The following DPP6 variants were observed in gnomAD, a reference collection of about 807,000 sequenced individuals.
DPP6 encodes the protein dipeptidyl peptidase like 6.
DPP6 carries 69 observed loss-of-function variants against 122.6 expected under a neutral mutation model. The ratio of observed to expected loss-of-function variants is 0.56; its 90% CI spans 0.46 to 0.69. The LOEUF (loss-of-function observed/expected upper bound fraction) is 0.69. Among genes scored for constraint, DPP6 ranks in the 30% least tolerant of loss-of-function variants. The pLI, the probability that DPP6 is intolerant of heterozygous loss-of-function variation, is 0.00. For synonymous variants in DPP6, 418 were observed against 433.1 expected, an observed-to-expected ratio of 0.97 and a Z score of 0.43; for missense variants, 928 against 1,116.9, an observed-to-expected ratio of 0.83 and a Z score of 2.41.
intron 1 of DPP6, among the ~76,000 whole-genome samples, chr7:154,392,440 C>T (rs1814705071): frequency 1.3e-5 from 2 of 152,076 alleles, no homozygotes; most frequent in Admixed American, 1.3e-4. Context: ...TACCGCAGCC[C>T]CTGGAGGTTA....
the DPP6 span, among the ~76,000 whole-genome samples, chr7:153,810,129 A>T: frequency 6.6e-6 from 1 of 152,266 alleles, no homozygotes; most frequent in Non-Finnish European, 1.5e-5. Flanking sequence ...GCGAGTTTGC[A>T]TGACATAAGC....
chr7:154,772,983 C>G, intron 10 of DPP6, 41 bp downstream of exon 10: 1 of 1,238,294 alleles, frequency 8.1e-7, no homozygotes, highest in African/African-American at 1.5e-5. Flanking sequence ...AAAAAAAAAA[C>G]TAAGATGAAT....
the DPP6 span, among the ~76,000 whole-genome samples, chr7:153,828,815 G>A: frequency 6.6e-6 from 1 of 152,104 alleles, no homozygotes; most frequent in Admixed American, 6.5e-5. Context: ...CTACCTGAAG[G>A]CTGTAAAGAA....
At chr7:154,522,363 G>A (rs768563551) in intron 3 of DPP6, among the ~76,000 whole-genome samples, 17 of 152,122 alleles carry the variant, frequency 1.1e-4, no homozygotes, top group Admixed American at 2.0e-4. Flanking sequence ...AGTTGCCAGC[G>A]TAAGTTGGAA....
chr7:154,229,973 A>G (rs1475680749), intron 1 of DPP6, among the ~76,000 whole-genome samples: 3 of 152,232 alleles, frequency 2.0e-5, no homozygotes, highest in Admixed American at 6.5e-5. Flanking sequence ...AGTGGTTTAT[A>G]TATATTTTAA....
intron 1 of DPP6, among the ~76,000 whole-genome samples, chr7:154,151,484 G>A (rs1162937754): frequency 1.3e-5 from 2 of 152,154 alleles, no homozygotes; most frequent in African/African-American, 2.4e-5. Context: ...GCAATGCCCC[G>A]CCATCATTGC....
intron 1 of DPP6, among the ~76,000 whole-genome samples, chr7:154,357,707 T>C (rs1051261706): frequency 2.0e-5 from 3 of 152,064 alleles, no homozygotes; most frequent in African/African-American, 7.2e-5. Flanking sequence ...TTTGGGAGGC[T>C]GAGGTGGGTG....
the DPP6 span, among the ~76,000 whole-genome samples, chr7:153,879,239 C>T: frequency 6.6e-6 from 1 of 152,012 alleles, no homozygotes; most frequent in Non-Finnish European, 1.5e-5. Context: ...GAGAAGTGTT[C>T]GTTACCTGGG....
At chr7:154,159,275 T>A (rs1796853970) in intron 1 of DPP6, among the ~76,000 whole-genome samples, 1 of 152,332 alleles carries the variant, frequency 6.6e-6, no homozygotes, top group Non-Finnish European at 1.5e-5. Flanking sequence ...TCCTGTTTCT[T>A]CAGTTCCACC....
intron 1 of DPP6, among the ~76,000 whole-genome samples, chr7:154,396,795 A>G (rs949993095): frequency 6.6e-6 from 1 of 152,166 alleles, no homozygotes; most frequent in Admixed American, 6.5e-5. Flanking sequence ...AACACAAAAA[A>G]TTATCTGGGT....
chr7:154,817,695 A>ATC (rs893180642), intron 16 of DPP6, among the ~76,000 whole-genome samples: 5 of 152,166 alleles, frequency 3.3e-5, no homozygotes, highest in African/African-American at 1.2e-4. Flanking sequence ...GATTAATGAC[A>ATC]TGAGCATCAT....
intron 5 of DPP6, among the ~76,000 whole-genome samples, chr7:154,623,685 A>C (rs1834883640): frequency 6.6e-6 from 1 of 152,218 alleles, no homozygotes; most frequent in Admixed American, 6.5e-5. Context: ...ACGCACATGC[A>C]CACACAGAGT....
chr7:154,887,865 C>G, intron 23 of DPP6, 131 bp downstream of exon 23: 1 of 1,075,616 alleles, frequency 9.3e-7, no homozygotes, highest in Non-Finnish European at 1.4e-6. Context: ...GCACCAAAGC[C>G]CACTCAGAAA....
At chr7:154,712,271 A>G (rs1341519587) in intron 7 of DPP6, among the ~76,000 whole-genome samples, 2 of 152,234 alleles carry the variant, frequency 1.3e-5, no homozygotes, top group Admixed American at 6.5e-5. Flanking sequence ...GTTTTGGACA[A>G]TGAAAACTGA....
intron 23 of DPP6, 64 bp from the exon 24 acceptor site, chr7:154,889,208 G>A: frequency 1.3e-6 from 2 of 1,564,912 alleles, no homozygotes; most frequent in Non-Finnish European, 1.7e-6. Flanking sequence ...AGGTTTCCAA[G>A]CAGAACACCT....
chr7:154,117,898 C>T (rs1230874782), intron 1 of DPP6, among the ~76,000 whole-genome samples: 2 of 151,946 alleles, frequency 1.3e-5, no homozygotes, highest in African/African-American at 4.8e-5. Context: ...ACGGTAGGAC[C>T]CAGTACCATG....
intron 1 of DPP6, among the ~76,000 whole-genome samples, chr7:154,031,907 G>A (rs1799255594): frequency 6.7e-6 from 1 of 149,654 alleles, no homozygotes; most frequent in Non-Finnish European, 1.5e-5. Context: ...TGTCACCCAG[G>A]CTGGAGCGCA....
intron 1 of DPP6, among the ~76,000 whole-genome samples, chr7:154,359,783 AC>A (rs1400856458): frequency 2.0e-5 from 3 of 152,206 alleles, no homozygotes; most frequent in African/African-American, 7.2e-5. Context: ...TTTCCCAAAC[AC>A]AGGACTTAAT....
At chr7:154,841,459 G>A (rs925110772) in intron 16 of DPP6, among the ~76,000 whole-genome samples, 3 of 151,948 alleles carry the variant, frequency 2.0e-5, no homozygotes, top group African/African-American at 4.8e-5. Context: ...ACCTGAAAAC[G>A]TCACTCCAAG....
Sources: allele counts gnomAD v4.1 joint callset (sites outside exome capture counted in the v4.1 genomes callset), GRCh38; gene constraint gnomAD v4.1.1; transcripts MANE v1.5; gene names NCBI Gene and HGNC (gene_info 2026-07-23, HGNC 2026-07-21).